Variants in PNKD observed in about 807,000 individuals in gnomAD.
The protein encoded by PNKD is PNKD metallo-beta-lactamase domain containing.
Under a neutral mutation model 45.3 loss-of-function variants are expected in PNKD, and 36 were observed. The ratio of observed to expected loss-of-function variants is 0.80; its 90% CI spans 0.61 to 1.05. The LOEUF is 1.05. Among genes scored for constraint, PNKD ranks in the 50% least tolerant of loss-of-function variants. The pLI is 0.00. For synonymous variants in PNKD, 197 were observed against 210.1 expected (o/e 0.94, Z 0.54); for missense variants, 511 against 506.6 (o/e 1.01, Z -0.08).
At chr2:218,296,598 C>A (rs1693145619) in intron 2 of PNKD, among the ~76,000 whole-genome samples, 1 of 152,228 alleles carries the variant, frequency 6.6e-6, no homozygotes, top group Admixed American at 6.5e-5. Flanking sequence ...GGTTACCTAG[C>A]ATTTAATGTG....
At chr2:218,278,709 CCCAGCCAGG>C (rs1691526619) in intron 2 of PNKD, 2 of 905,094 alleles carry the variant, frequency 2.2e-6, no homozygotes, top group East Asian at 5.2e-5. Context: ...CGAGATTACC[CCCAGCCAGG>C]GTCACTGAGA....
chr2:218,272,807 G>A (rs749378016), intron 2 of PNKD: 2 of 1,613,194 alleles, frequency 1.2e-6, no homozygotes, highest in African/African-American at 2.7e-5. Context: ...AAGTCCTCAG[G>A]TTTGGCCCAG....
chr2:218,335,318 C>T (rs1453504542), intron 2 of PNKD, among the ~76,000 whole-genome samples: 3 of 151,974 alleles, frequency 2.0e-5, no homozygotes, highest in Admixed American at 2.0e-4. Context: ...CCTATCTCTA[C>T]TAAAAATACA....
At chr2:218,305,119 A>G (rs1204341487) in intron 2 of PNKD, among the ~76,000 whole-genome samples, 5 of 152,162 alleles carry the variant, frequency 3.3e-5, no homozygotes, top group African/African-American at 1.2e-4. Flanking sequence ...CCTTCCTTAT[A>G]GAGTCGTGAC....
chr2:218,323,505 C>T (rs759263430), intron 2 of PNKD: 1 of 725,998 alleles, frequency 1.4e-6, no homozygotes, highest in Non-Finnish European at 1.9e-6. Context: ...GAGGCGGGGG[C>T]TGGAGCTGGG....
chr2:218,276,192 G>T, intron 2 of PNKD: 1 of 1,153,160 alleles, frequency 8.7e-7, no homozygotes. Flanking sequence ...TGGGAAGCTA[G>T]CTCTCCATGA....
At position 218,296,198 on chromosome 2, in the gene PNKD, G is replaced by A. The variant is rs182477573; in HGVS notation, c.236+24649G>A. Among the ~76,000 whole-genome samples, 136 of 152,220 alleles carry A rather than the reference G, an allele frequency of 8.9e-4. 1 individual carries two copies. The highest frequency in any genetic ancestry group is 2.5e-3 in the East Asian group (13 of 5,194). ...ATCCCACTGCCCCATATAATATTTG[G>A]AAATACTTGTACTAAAAAAAAGTAC... On this transcript the variant is annotated intron_variant, in intron 2 of 9. Transcript: ENST00000273077.
chr2:218,324,785 A>T (rs931477456), intron 2 of PNKD, among the ~76,000 whole-genome samples: 7 of 151,690 alleles, frequency 4.6e-5, no homozygotes, highest in African/African-American at 1.7e-4. Context: ...AAATACAAAA[A>T]TTAGCTGGGC....
At chr2:218,272,475 T>C in intron 2 of PNKD, 1 of 1,147,274 alleles carries the variant, frequency 8.7e-7, no homozygotes, top group Non-Finnish European at 1.3e-6. Context: ...TATTGCAGCA[T>C]TCATGCAACT....
At chr2:218,285,910 T>G (rs1377682949) in intron 2 of PNKD, 1 of 154,090 alleles carries the variant, frequency 6.5e-6, no homozygotes, top group East Asian at 1.9e-4. Flanking sequence ...AGGCCTCCAC[T>G]AGGGATGAGG....
At chr2:218,293,580 C>CTTTTTTT (rs34887009) in intron 2 of PNKD, among the ~76,000 whole-genome samples, 1 of 98,676 alleles carries the variant, frequency 1.0e-5, no homozygotes, top group Admixed American at 1.3e-4. Flanking sequence ...ACTGAATGTC[C>CTTTTTTT]TTTTTTTTTT....
intron 2 of PNKD, among the ~76,000 whole-genome samples, chr2:218,285,021 C>T (rs1692391331): frequency 1.3e-5 from 2 of 152,156 alleles, no homozygotes; most frequent in Admixed American, 6.5e-5. Flanking sequence ...ACCTGGGAGG[C>T]GGAGATTCCA....
At chr2:218,279,027 C>A (rs1691568120) in intron 2 of PNKD, 1 of 1,614,002 alleles carries the variant, frequency 6.2e-7, no homozygotes, top group South Asian at 1.1e-5. Context: ...CACAGAGGAG[C>A]ACACACTCAC....
Position 218,323,249 on chromosome 2 carries a change from G to A in PNKD, c.237-16534G>A, listed in dbSNP as rs541888307. On this transcript the variant is annotated intron_variant, in intron 2 of 9. Transcript: ENST00000273077. The stretch of plus-strand genomic sequence containing the variant: ...AGCAACGCCGAGCCCCGCCCGGCCG[G>A]CGCGTGCCTGCCCCCAGCATGGCTT... 165 of 1,476,398 alleles carry A rather than the reference G, an allele frequency of 1.1e-4. 5 individuals are homozygous for A. In the South Asian group the frequency reaches 2.0e-3, roughly 18 times the overall value. The allele number at this position is 1,476,398 out of a possible 1,614,324, so 91.5% of individuals were successfully genotyped here.
At chr2:218,284,983 G>A (rs958746973) in intron 2 of PNKD, among the ~76,000 whole-genome samples, 13 of 152,146 alleles carry the variant, frequency 8.5e-5, no homozygotes, top group Non-Finnish European at 1.2e-4. Context: ...CCAGTTACTC[G>A]GGAGGCTGAG....
At chr2:218,333,209 C>T (rs914960932) in intron 2 of PNKD, among the ~76,000 whole-genome samples, 4 of 152,240 alleles carry the variant, frequency 2.6e-5, no homozygotes, top group African/African-American at 9.6e-5. Flanking sequence ...GAAAGCAGGA[C>T]CCCTTCTGCC....
intron 1 of PNKD, chr2:218,271,008 A>G (rs552341511): frequency 3.1e-5 from 14 of 449,712 alleles, no homozygotes; most frequent in African/African-American, 2.6e-4. Context: ...GGGATGGAGT[A>G]GACTATCTTT....
intron 2 of PNKD, among the ~76,000 whole-genome samples, chr2:218,293,508 T>A (rs1373156492): frequency 6.6e-6 from 1 of 151,956 alleles, no homozygotes; most frequent in African/African-American, 2.4e-5. Flanking sequence ...TGCCAGTAGT[T>A]GACCAACTCT....
In PNKD at chr2:218,271,395, G is replaced by A; in HGVS notation, c.82G>A (p.Ala28Thr). ...TCCATCCACAGGGATTCTCGCAGGA[G>A]CCACAGCTAACAAGGCTTCTCATAA... is the stretch of plus-strand genomic sequence containing the variant. ...ARVLRGILAG[A>T]TANKASHNRT... The change falls in exon 2 of 10, where the codon GCC becomes ACC. Residue 28 changes from alanine (A) to threonine (T), a missense_variant. By Grantham distance (58) the Ala-to-Thr change is moderately conservative (BLOSUM62 0). Coordinates refer to ENST00000273077, the MANE Select transcript of PNKD (RefSeq NM_015488.5). The A allele has an allele frequency of 5.0e-6, 8 of 1,613,760 alleles. No homozygotes were observed. The South Asian group carries it at 8.8e-5, about 18-fold the overall frequency.
Sources: allele counts gnomAD v4.1 joint callset (sites outside exome capture counted in the v4.1 genomes callset), GRCh38; gene constraint gnomAD v4.1.1; transcripts MANE v1.5; gene names NCBI Gene and HGNC (gene_info 2026-07-23, HGNC 2026-07-21).